Variants in USP34 observed in about 807,000 individuals in gnomAD.
USP34 encodes ubiquitin carboxyl-terminal hydrolase 34.
A neutral mutation model predicts 460.3 loss-of-function variants in USP34; 70 were observed. The observed-to-expected ratio is 0.15, with a 90% confidence interval of 0.13 to 0.19. The LOEUF is 0.19. USP34 is among the 10% of genes least tolerant of loss of function. The probability of loss-of-function intolerance (pLI) is 1.00; values close to 1 mark genes in which losing one functional copy is unlikely to be tolerated. For synonymous variants in USP34, 1,647 were observed against 1,405.3 expected (o/e 1.17, Z -3.85); for missense variants, 3,985 against 4,236.2 (o/e 0.94, Z 1.65).
intron 14 of USP34, 31 bp downstream of exon 14, chr2:61,348,725 C>T: frequency 6.3e-7 from 1 of 1,596,668 alleles, no homozygotes; most frequent in Non-Finnish European, 8.5e-7. Flanking sequence ...GCCAAAAATG[C>T]CTATAAAAGA....
intron 43 of USP34, among the ~76,000 whole-genome samples, chr2:61,260,025 G>C (rs1688832394): frequency 1.3e-5 from 2 of 152,192 alleles, no homozygotes; most frequent in East Asian, 1.9e-4. Context: ...TCACTTTCTA[G>C]GTTAACACTT....
chr2:61,443,519 G>T (rs924188176), intron 1 of USP34, among the ~76,000 whole-genome samples: 2 of 150,172 alleles, frequency 1.3e-5, no homozygotes, highest in Non-Finnish European at 3.0e-5. Flanking sequence ...ATCAAGACAT[G>T]AAAATACATA....
chr2:61,258,982 G>A (rs906923562), intron 44 of USP34, among the ~76,000 whole-genome samples: 3 of 152,194 alleles, frequency 2.0e-5, no homozygotes, highest in South Asian at 4.1e-4. Context: ...AGACAGCTCC[G>A]GGCACGGTGG....
At chr2:61,378,452 T>C (rs1351421321) in intron 7 of USP34, 28 bp from the exon 8 acceptor site, 1 of 1,514,656 alleles carries the variant, frequency 6.6e-7, no homozygotes, top group Non-Finnish European at 9.0e-7. Context: ...AAATTAAGGG[T>C]TTTTATTTCC....
intron 79 of USP34, 30 bp from the exon 80 acceptor site, chr2:61,188,739 T>A: frequency 6.3e-7 from 1 of 1,599,350 alleles, no homozygotes; most frequent in Non-Finnish European, 8.5e-7. Flanking sequence ...AAGGGAAACT[T>A]CTCTGAAAGT....
At chr2:61,343,629 A>G (rs1691671444) in intron 16 of USP34, among the ~76,000 whole-genome samples, 186 bp downstream of exon 16, 1 of 152,162 alleles carries the variant, frequency 6.6e-6, no homozygotes, top group Admixed American at 6.5e-5. Flanking sequence ...ACTTATTTAT[A>G]TTCATGATGG....
At position 61,383,979 on chromosome 2, in the gene USP34, A is replaced by G. The variant is rs149473706; in HGVS notation, c.754-643T>C. On this transcript the variant is annotated intron_variant, in intron 5 of 79. Transcript: ENST00000398571. Reference sequence around the variant, plus strand: ...TCTCTATACCTCTTTGTACGGTAGCATCCCCAATACAAGGCACTGTATTAG... The same window carrying G: ...TCTCTATACCTCTTTGTACGGTAGCGTCCCCAATACAAGGCACTGTATTAG... 5.3e-3 allele frequency among the ~76,000 whole-genome samples: 814 copies of G among 152,320 alleles called. 6 individuals carry two copies. The highest frequency in any genetic ancestry group is 0.019 in the African/African-American group (772 of 41,570).
intron 5 of USP34, among the ~76,000 whole-genome samples, chr2:61,391,008 T>A (rs922805518): frequency 5.9e-5 from 9 of 151,780 alleles, no homozygotes; most frequent in Admixed American, 5.9e-4. Flanking sequence ...GGCAGGAGAA[T>A]CGCTTGAATC....
intron 18 of USP34, among the ~76,000 whole-genome samples, chr2:61,335,682 G>T (rs960136711): frequency 1.3e-5 from 2 of 152,202 alleles, no homozygotes; most frequent in Admixed American, 6.5e-5. Context: ...CTGGGAGGCG[G>T]AGGTTACAGT....
intron 18 of USP34, among the ~76,000 whole-genome samples, chr2:61,336,555 A>G (rs960503811): frequency 6.6e-6 from 1 of 151,840 alleles, no homozygotes; most frequent in African/African-American, 2.4e-5. Flanking sequence ...CACGCCTATA[A>G]TCCCAGCACT....
At chr2:61,195,915 T>C (rs1384145796) in intron 75 of USP34, among the ~76,000 whole-genome samples, 1 of 151,936 alleles carries the variant, frequency 6.6e-6, no homozygotes, top group Non-Finnish European at 1.5e-5. Context: ...AATTTTTTTT[T>C]CTTTTTTTGA....
intron 20 of USP34, among the ~76,000 whole-genome samples, chr2:61,327,878 C>T (rs1249814631): frequency 6.6e-6 from 1 of 152,216 alleles, no homozygotes; most frequent in Non-Finnish European, 1.5e-5. Flanking sequence ...AGGACAAAAA[C>T]AGTCTCCCCA....
chr2:61,253,811 T>G (rs1460763527), intron 48 of USP34, among the ~76,000 whole-genome samples: 1 of 151,994 alleles, frequency 6.6e-6, no homozygotes, highest in Non-Finnish European at 1.5e-5. Flanking sequence ...CTTGGCTCAC[T>G]GCAACCTCTG....
intron 11 of USP34, 87 bp downstream of exon 11, chr2:61,350,481 A>G: frequency 6.4e-7 from 1 of 1,563,736 alleles, no homozygotes; most frequent in Non-Finnish European, 8.6e-7. Flanking sequence ...TGCCAAGACA[A>G]TAAAATGAAA....
intron 62 of USP34, 67 bp from the exon 63 acceptor site, chr2:61,223,363 A>C: frequency 6.9e-7 from 1 of 1,456,770 alleles, no homozygotes; most frequent in East Asian, 2.3e-5. Context: ...GATTTACAAC[A>C]TGTATCAAAA....
chr2:61,390,528 A>T (rs887061379), intron 5 of USP34, among the ~76,000 whole-genome samples: 5 of 152,242 alleles, frequency 3.3e-5, no homozygotes, highest in Admixed American at 3.3e-4. Flanking sequence ...TGCAGCTGTT[A>T]TTAAAGAACG....
At chr2:61,190,925 A>G (rs1686621274) in intron 76 of USP34, 1 of 313,412 alleles carries the variant, frequency 3.2e-6, no homozygotes, top group South Asian at 4.9e-5. Flanking sequence ...TTTAAAAGAA[A>G]TGCAGGTTTA....
chr2:61,440,641 C>A (rs1694936869), intron 1 of USP34, among the ~76,000 whole-genome samples: 1 of 151,610 alleles, frequency 6.6e-6, no homozygotes, highest in South Asian at 2.1e-4. Context: ...CCTCAGCCTA[C>A]CAAGTAGCTG....
chr2:61,350,460 T>C, intron 11 of USP34, 71 bp from the exon 12 acceptor site: 1 of 1,571,268 alleles, frequency 6.4e-7, no homozygotes, highest in Non-Finnish European at 8.6e-7. Flanking sequence ...ATCCTTTTTG[T>C]CAAACTGAAA....
Sources: gnomAD v4.1 joint callset for allele counts (sites outside exome capture counted in the v4.1 genomes callset) on GRCh38, gnomAD v4.1.1 for gene constraint, MANE v1.5 for transcripts, NCBI Gene and HGNC (gene_info 2026-07-23, HGNC 2026-07-21) for gene names.